Variants in ATG16L1 observed in about 807,000 individuals in gnomAD.
The protein encoded by ATG16L1 is autophagy related 16 like 1, also known as autophagy-related protein 16-1.
A neutral mutation model predicts 88.5 loss-of-function variants in ATG16L1; 37 were observed. That is an observed-to-expected ratio of 0.42 (90% confidence interval 0.32 to 0.55). The LOEUF is 0.55. Among genes scored for constraint, ATG16L1 ranks in the 20% least tolerant of loss-of-function variants. The pLI, the probability that ATG16L1 is intolerant of heterozygous loss-of-function variation, is 0.13. For missense variants in ATG16L1, 554 were observed against 752.8 expected (o/e 0.74, Z 3.09); for synonymous variants, 301 against 281.0 (o/e 1.07, Z -0.71).
intron 2 of ATG16L1, 145 bp from the exon 3 acceptor site, chr2:233,262,985 G>C (rs943794682): frequency 2.8e-6 from 2 of 706,280 alleles, no homozygotes; most frequent in African/African-American, 3.6e-5. Context: ...AACCGCAGCT[G>C]CTGGAGACAC....
chr2:233,256,217 T>G, intron 2 of ATG16L1, 22 bp downstream of exon 2: 2 of 1,588,092 alleles, frequency 1.3e-6, no homozygotes, highest in Non-Finnish European at 1.7e-6. Flanking sequence ...CTAACTTGTA[T>G]TATTTATGTC....
intron 10 of ATG16L1, among the ~76,000 whole-genome samples, chr2:233,278,769 A>G (rs771032005): frequency 1.3e-5 from 2 of 152,160 alleles, no homozygotes; most frequent in African/African-American, 2.4e-5. Flanking sequence ...CACCCCTCCT[A>G]TCTGCCCCGG....
intron 2 of ATG16L1, among the ~76,000 whole-genome samples, chr2:233,257,877 C>T (rs977069795): frequency 3.9e-5 from 6 of 151,908 alleles, no homozygotes; most frequent in Non-Finnish European, 7.4e-5. Flanking sequence ...TGGTGGCGGG[C>T]GCCTGTAATC....
At chr2:233,255,341 A>G (rs1007349918) in intron 1 of ATG16L1, among the ~76,000 whole-genome samples, 1 of 152,136 alleles carries the variant, frequency 6.6e-6, no homozygotes, top group Admixed American at 6.5e-5. Flanking sequence ...CTCCTGTCAA[A>G]TTTATTATGT....
chr2:233,273,160 CT>C, intron 7 of ATG16L1, 108 bp downstream of exon 7: 1 of 864,218 alleles, frequency 1.2e-6, no homozygotes, highest in African/African-American at 1.7e-5. Context: ...CCCCTTACCC[CT>C]TTTCTGGGAC....
At chr2:233,286,521 G>A (rs959880278) in intron 12 of ATG16L1, among the ~76,000 whole-genome samples, 2 of 151,774 alleles carry the variant, frequency 1.3e-5, no homozygotes, top group Admixed American at 6.6e-5. Flanking sequence ...AATGCCTGTA[G>A]GAGGCCCAGC....
At position 233,273,858 on chromosome 2, in the gene ATG16L1, T is replaced by G. The variant is rs920527326; in HGVS notation, c.851+81T>G. 3.9e-6 allele frequency: 6 copies of G among 1,539,340 alleles called. No individual in the cohort carries two copies. The African/African-American group carries it at 6.9e-5, about 18-fold the overall frequency. On this transcript the variant is annotated intron_variant, in intron 8 of 17. Transcript: ENST00000392017. ...ACATGACTTATTTTTATTCTTTAAATGTACACCAGGTGTCAGTGATGCAGA... is the reference window on the plus strand; with the variant it reads ...ACATGACTTATTTTTATTCTTTAAAGGTACACCAGGTGTCAGTGATGCAGA...
At position 233,286,814 on chromosome 2, in the gene ATG16L1, A is replaced by T. The variant is rs1699119918; in HGVS notation, c.1204-3040A>T. Among the ~76,000 whole-genome samples, 4 of 151,146 alleles carry T rather than the reference A, an allele frequency of 2.6e-5. 1 individual carries two copies. In the South Asian group the frequency reaches 8.5e-4, roughly 32 times the overall value. Reference sequence around the variant, plus strand: ...CTAAGTTTTTGTATTTTTAGTAGAGACGAGATTTCACCGTGTTAGCCAGGA... The same window carrying T: ...CTAAGTTTTTGTATTTTTAGTAGAGTCGAGATTTCACCGTGTTAGCCAGGA... On this transcript the variant is annotated intron_variant, in intron 12 of 17. Coordinates refer to ENST00000392017, the MANE Select transcript of ATG16L1 (RefSeq NM_030803.7).
chr2:233,260,670 G>A (rs904313697), intron 2 of ATG16L1, among the ~76,000 whole-genome samples: 3 of 152,118 alleles, frequency 2.0e-5, no homozygotes, highest in East Asian at 1.9e-4. Flanking sequence ...GGAGGCTTTG[G>A]GTCATGGAAA....
chr2:233,284,601 G>A (rs1698953097), intron 12 of ATG16L1, among the ~76,000 whole-genome samples: 2 of 152,154 alleles, frequency 1.3e-5, no homozygotes, highest in Admixed American at 1.3e-4. Flanking sequence ...CAAAGTGTTG[G>A]GATTACAGGC....
chr2:233,272,991 G>T lies in ATG16L1; in HGVS notation c.733G>T (p.Asp245Tyr). The T allele has an allele frequency of 2.5e-6, 4 of 1,614,078 alleles. No individual in the cohort carries two copies. The highest frequency in any genetic ancestry group is 1.7e-4 in the Middle Eastern group (1 of 6,060). Reference sequence around the variant, plus strand: ...GGATGATGACATTGAGGTCATTGTGGATGAAACTTCTGATCACACAGAAGA... The same window carrying T: ...GGATGATGACATTGAGGTCATTGTGTATGAAACTTCTGATCACACAGAAGA... ...EQDDDIEVIV[D>Y]ETSDHTEETS... Residue 245 changes from aspartate (D) to tyrosine (Y), a missense_variant, in exon 7 of 18, where the codon GAT becomes TAT. Around this residue, in one of 5 missense-constraint regions of ATG16L1, gnomAD observed 370 missense variants for 509.7 expected, o/e 0.73. Transcript: ENST00000392017.
At chr2:233,264,233 G>A in intron 4 of ATG16L1, 168 bp downstream of exon 4, 1 of 611,774 alleles carries the variant, frequency 1.6e-6, no homozygotes, top group Non-Finnish European at 2.8e-6. Context: ...CCAGCTCTGA[G>A]AAGGAAAAAG....
At chr2:233,280,937 ATC>A (rs1300900775) in intron 10 of ATG16L1, among the ~76,000 whole-genome samples, 166 bp from the exon 11 acceptor site, 1 of 152,174 alleles carries the variant, frequency 6.6e-6, no homozygotes, top group Non-Finnish European at 1.5e-5. Context: ...AGTATCTTTT[ATC>A]TCTCATGTTC....
intron 12 of ATG16L1, 63 bp from the exon 13 acceptor site, chr2:233,289,791 C>T: frequency 1.3e-6 from 2 of 1,593,488 alleles, no homozygotes; most frequent in Non-Finnish European, 1.7e-6. Flanking sequence ...GCTGTGGATA[C>T]TTTGCCAGCA....
At chr2:233,267,673 C>T (rs962940025) in intron 5 of ATG16L1, among the ~76,000 whole-genome samples, 3 of 152,222 alleles carry the variant, frequency 2.0e-5, no homozygotes, top group African/African-American at 7.2e-5. Flanking sequence ...TGGAGCTTGA[C>T]AGCAGTGTGA....
intron 2 of ATG16L1, among the ~76,000 whole-genome samples, chr2:233,258,520 T>G (rs1359409397): frequency 6.6e-6 from 1 of 152,242 alleles, no homozygotes; most frequent in African/African-American, 2.4e-5. Flanking sequence ...GTTTTAGTAT[T>G]TTGGTTAATT....
At position 233,272,990 on chromosome 2, in the gene ATG16L1, G is replaced by T. The variant is rs755903137; in HGVS notation, c.732G>T (p.Val244=). The T allele has an allele frequency of 6.2e-6, 10 of 1,614,054 alleles. No homozygotes were observed. The highest frequency in any genetic ancestry group is 1.6e-4 in the Middle Eastern group (1 of 6,062). The change falls in exon 7 of 18, where the codon GTG becomes GTT. Residue 244 remains valine, a synonymous_variant. Transcript: ENST00000392017. ...VEQDDDIEVI[V]DETSDHTEET... ...GGGATGATGACATTGAGGTCATTGT[G>T]GATGAAACTTCTGATCACACAGAAG...
chr2:233,273,061 G>A lies in ATG16L1; in HGVS notation c.794+9G>A. The A allele has an allele frequency of 6.2e-7, 1 of 1,612,562 alleles. No homozygotes were observed. Among genetic ancestry groups the A allele is most frequent in the East Asian group, 2.2e-5 (1 of 44,878 alleles). On this transcript the variant is annotated intron_variant, in intron 7 of 17. Coordinates refer to ENST00000392017, the MANE Select transcript of ATG16L1 (RefSeq NM_030803.7). The stretch of plus-strand genomic sequence containing the variant: ...ATCAGCAGAGCAGCCACGTAAGTAG[G>A]CAGGTTTGGGCCAGGGAAAAGACAG...
At chr2:233,292,500 A>C in intron 16 of ATG16L1, 66 bp downstream of exon 16, 11 of 1,602,168 alleles carry the variant, frequency 6.9e-6, no homozygotes, top group Non-Finnish European at 8.5e-6. Context: ...GCATTTTCCC[A>C]CTGGGGATAT....
Sources: allele counts gnomAD v4.1 joint callset (sites outside exome capture counted in the v4.1 genomes callset), GRCh38; gene constraint gnomAD v4.1.1; regional missense constraint gnomAD v4.1.1; transcripts MANE v1.5; gene names NCBI Gene and HGNC (gene_info 2026-07-23, HGNC 2026-07-21).